CHIA: variants seen among roughly 807,000 people sequenced by gnomAD.
CHIA encodes the protein acidic mammalian chitinase.
A neutral mutation model predicts 53.5 loss-of-function variants in CHIA; 47 were observed. That is an observed-to-expected ratio of 0.88 (90% CI 0.70 to 1.12). CHIA has a LOEUF of 1.12. Among genes scored for constraint, CHIA ranks in the 50% most tolerant of loss-of-function variants. The pLI is 0.00. For missense variants in CHIA, 652 were observed against 592.2 expected, an observed-to-expected ratio of 1.10 and a Z score of -1.05; for synonymous variants, 268 against 222.2, an observed-to-expected ratio of 1.21 and a Z score of -1.83.
chr1:111,305,754 T>A (rs1648129179), intron 1 of CHIA, among the ~76,000 whole-genome samples: 1 of 152,220 alleles, frequency 6.6e-6, no homozygotes, highest in East Asian at 1.9e-4. Context: ...CAGAATTCGT[T>A]CCTCATTTTC....
At chr1:111,309,088 G>T (rs978771656) in intron 1 of CHIA, among the ~76,000 whole-genome samples, 1 of 152,154 alleles carries the variant, frequency 6.6e-6, no homozygotes, top group African/African-American at 2.4e-5. Flanking sequence ...TTAATATTTA[G>T]GTGATGGGTT....
chr1:111,319,794 C>G (rs1023156447), intron 11 of CHIA, among the ~76,000 whole-genome samples: 1 of 152,216 alleles, frequency 6.6e-6, no homozygotes, highest in Non-Finnish European at 1.5e-5. Flanking sequence ...CTCAGCCCAC[C>G]TGGGGAGATT....
Position 111,317,720 on chromosome 1 carries a change from A to T in CHIA, c.520A>T (p.Asn174Tyr). The change falls in exon 7 of 12, where the codon AAC (asparagine) becomes TAC (tyrosine). Residue 174 changes from asparagine to tyrosine, a missense_variant. By Grantham distance (143) the Asn-to-Tyr change is moderately radical (BLOSUM62 -2). Transcript: ENST00000369740. ...TTTTGAGCAGGAGGCCAAGCAGATC[A>T]ACAAGCCCAGGCTGATGGTCACTGC... is the stretch of plus-strand genomic sequence containing the variant. The part of the protein sequence containing the change: ...EAFEQEAKQI[N>Y]KPRLMVTAAV... 1 of 1,614,110 alleles carries T rather than the reference A, an allele frequency of 6.2e-7. No individual in the cohort carries two copies. Among genetic ancestry groups the T allele is most frequent in the Non-Finnish European group, 8.5e-7 (1 of 1,180,026 alleles).
intron 1 of CHIA, among the ~76,000 whole-genome samples, chr1:111,297,590 A>G (rs1025279528): frequency 1.4e-4 from 22 of 152,216 alleles, no homozygotes; most frequent in Non-Finnish European, 3.2e-4. Context: ...AAACATAGAA[A>G]GGAACAACTG....
intron 1 of CHIA, 150 bp downstream of exon 1, chr1:111,291,100 C>T: frequency 3.3e-6 from 1 of 301,150 alleles, no homozygotes; most frequent in South Asian, 2.7e-5. Flanking sequence ...AGGTTGTTTA[C>T]CCTTAAAGGT....
rs958077716 is a variant in CHIA, at chr1:111,311,689, G to A, written c.26G>A (p.Gly9Asp). The change falls in exon 3 of 12, where the codon GGT (glycine) becomes GAT (aspartate). Residue 9 changes from glycine (G) to aspartate (D), a missense_variant and splice_region_variant. Physicochemically the swap from Gly to Asp is moderately conservative, Grantham distance 94. Transcript: ENST00000369740. Reference sequence around the variant, plus strand: ...GTACATGCTTTTTCTTTCTATCCAGGTCTTGTCCTTATACTGAATTTGCAG... The same window carrying A: ...GTACATGCTTTTTCTTTCTATCCAGATCTTGTCCTTATACTGAATTTGCAG... MTKLILLT[G>D]LVLILNLQLG... 8 of 1,613,916 alleles carry A rather than the reference G, an allele frequency of 5.0e-6. No individual in the cohort carries two copies. The highest frequency in any genetic ancestry group is 4.2e-6 in the Non-Finnish European group (5 of 1,179,944).
At chr1:111,298,914 C>T (rs931782653) in intron 1 of CHIA, among the ~76,000 whole-genome samples, 6 of 151,996 alleles carry the variant, frequency 3.9e-5, no homozygotes, top group Admixed American at 1.3e-4. Context: ...ATATCACCAC[C>T]GATCCCACAG....
At chr1:111,305,074 T>C (rs564990475) in intron 1 of CHIA, among the ~76,000 whole-genome samples, 1 of 152,240 alleles carries the variant, frequency 6.6e-6, no homozygotes, top group Admixed American at 6.5e-5. Flanking sequence ...GGGGTTTTGT[T>C]TTGTTGTTTT....
At chr1:111,292,773 C>A (rs1352065341) in intron 1 of CHIA, among the ~76,000 whole-genome samples, 2 of 152,146 alleles carry the variant, frequency 1.3e-5, no homozygotes, top group African/African-American at 2.4e-5. Flanking sequence ...CAGGAAACCA[C>A]TATTCTACTT....
Position 111,314,561 on chromosome 1 carries a change from C to G in CHIA, c.279C>G (p.Leu93=). ...LKNKNSQLKT[L]LAIGGWNFGT... ...ACAGGAACAGCCAGCTGAAAACTCT[C>G]CTGGCCATTGGAGGCTGGAACTTCG... The change falls in exon 5 of 12, where the codon CTC becomes CTG. Residue 93 remains leucine (L), a synonymous_variant. Coordinates refer to ENST00000369740, the MANE Select transcript of CHIA (RefSeq NM_201653.4). 1 of 1,613,002 alleles carries G rather than the reference C, an allele frequency of 6.2e-7. No individual in the cohort carries two copies. The highest frequency in any genetic ancestry group is 1.3e-5 in the African/African-American group (1 of 75,022).
At chr1:111,308,087 T>A (rs975078554) in intron 1 of CHIA, among the ~76,000 whole-genome samples, 1 of 152,222 alleles carries the variant, frequency 6.6e-6, no homozygotes, top group Non-Finnish European at 1.5e-5. Context: ...CTATGACTCA[T>A]AAACGCAGTA....
At chr1:111,296,951 G>T (rs561689713) in intron 1 of CHIA, among the ~76,000 whole-genome samples, 1 of 152,194 alleles carries the variant, frequency 6.6e-6, no homozygotes, top group Non-Finnish European at 1.5e-5. Context: ...TAGCTGATTT[G>T]ATCAAATGGA....
In CHIA at chr1:111,319,176, G is replaced by T; in HGVS notation, c.972G>T (p.Val324=). ...AGGGATGGGATGCCCCTCAGGAAGT[G>T]CCTTATGCCTATCAGGGCAATGTGT... ...ATQGWDAPQE[V]PYAYQGNVWV... Residue 324 remains valine (V), a synonymous_variant, in exon 10 of 12, where the codon GTG becomes GTT. Coordinates refer to ENST00000369740, the MANE Select transcript of CHIA (RefSeq NM_201653.4). The T allele has an allele frequency of 6.2e-7, 1 of 1,614,214 alleles. No homozygotes were observed. The highest frequency in any genetic ancestry group is 1.1e-5 in the South Asian group (1 of 91,078).
At position 111,320,428 on chromosome 1, in the gene CHIA, G is replaced by T; in HGVS notation, c.1393G>T (p.Val465Phe). The T allele has an allele frequency of 6.2e-7, 1 of 1,614,198 alleles. No homozygotes were observed. The highest frequency in any genetic ancestry group is 8.5e-7 in the Non-Finnish European group (1 of 1,180,028). ...CCAGCAGAACTGCCAGGCCGGGCTT[G>T]TCTTCGACACCAGCTGTGATTGCTG... ...TYQQNCQAGLVFDTSCDCCNW... is the reference protein window; with the variant it reads ...TYQQNCQAGLFFDTSCDCCNW... The change falls in exon 12 of 12, where the codon GTC (valine) becomes TTC (phenylalanine). Residue 465 changes from valine (V) to phenylalanine (F), a missense_variant. Physicochemically the swap from Val to Phe is conservative, Grantham distance 50. Transcript: ENST00000369740.
At chr1:111,303,862 C>A (rs1647965281) in intron 1 of CHIA, among the ~76,000 whole-genome samples, 2 of 152,162 alleles carry the variant, frequency 1.3e-5, no homozygotes, top group Admixed American at 6.5e-5. Context: ...CAGCAAGTTG[C>A]TGTCTAGTGT....
intron 1 of CHIA, among the ~76,000 whole-genome samples, chr1:111,293,731 A>G (rs1226312325): frequency 6.6e-6 from 1 of 152,164 alleles, no homozygotes; most frequent in African/African-American, 2.4e-5. Flanking sequence ...TCTTACATTT[A>G]GGCCATTGAT....
At chr1:111,309,153 A>G (rs1444017425) in intron 1 of CHIA, among the ~76,000 whole-genome samples, 2 of 152,210 alleles carry the variant, frequency 1.3e-5, no homozygotes, top group African/African-American at 2.4e-5. Flanking sequence ...AAACCTGCAC[A>G]CCTTGCACAT....
At chr1:111,306,261 T>C (rs988586471) in intron 1 of CHIA, among the ~76,000 whole-genome samples, 23 of 152,208 alleles carry the variant, frequency 1.5e-4, no homozygotes, top group African/African-American at 5.5e-4. Context: ...AAGGCATTCC[T>C]GAAGATGATA....
At chr1:111,309,012 C>T (rs1198130764) in intron 1 of CHIA, among the ~76,000 whole-genome samples, 1 of 152,146 alleles carries the variant, frequency 6.6e-6, no homozygotes, top group South Asian at 2.1e-4. Flanking sequence ...ACAACACACA[C>T]TAGGGCCTGT....
Sources: allele counts gnomAD v4.1 joint callset (sites outside exome capture counted in the v4.1 genomes callset), GRCh38; gene constraint gnomAD v4.1.1; transcripts MANE v1.5; gene names NCBI Gene and HGNC (gene_info 2026-07-23, HGNC 2026-07-21).